ASIP: variants seen among roughly 807,000 people sequenced by gnomAD.
The protein encoded by ASIP is agouti-signaling protein.
Under a neutral mutation model 10.3 loss-of-function variants are expected in ASIP, and 11 were observed. The ratio of observed to expected loss-of-function variants is 1.07; its 90% CI spans 0.68 to 1.78. ASIP has a LOEUF of 1.78. Among genes scored for constraint, ASIP ranks in the 40% most tolerant of loss-of-function variants. ASIP has a pLI of 0.00. For missense variants in ASIP, 180 were observed against 169.2 expected, an observed-to-expected ratio of 1.06 and a Z score of -0.35; for synonymous variants, 70 against 70.8, an observed-to-expected ratio of 0.99 and a Z score of 0.06.
intron 1 of ASIP, among the ~76,000 whole-genome samples, chr20:34,235,825 GAAAGAAAGAAAGAAA>G (rs1568755828): frequency 4.0e-4 from 25 of 62,150 alleles, no homozygotes; most frequent in Admixed American, 3.8e-4. Context: ...AAGAAAGAAA[GAAAGAAAGAAAGAAA>G]GAAGGAAGGA....
intron 3 of ASIP, among the ~76,000 whole-genome samples, chr20:34,267,042 G>T (rs1186631465): frequency 6.6e-6 from 1 of 152,150 alleles, no homozygotes; most frequent in Non-Finnish European, 1.5e-5. Flanking sequence ...GGCCTATTTT[G>T]TTGGCTGTAA....
intron 1 of ASIP, among the ~76,000 whole-genome samples, chr20:34,242,843 G>A (rs1413138573): frequency 6.6e-6 from 1 of 152,216 alleles, no homozygotes; most frequent in Non-Finnish European, 1.5e-5. Context: ...TGCTTAATGA[G>A]TGCTTGTGCA....
chr20:34,227,953 A>T (rs940890431), intron 1 of ASIP, among the ~76,000 whole-genome samples: 1 of 152,254 alleles, frequency 6.6e-6, no homozygotes, highest in Non-Finnish European at 1.5e-5. Flanking sequence ...GAATAGACTC[A>T]CACATGTATG....
intron 1 of ASIP, among the ~76,000 whole-genome samples, chr20:34,242,215 A>T (rs1392855681): frequency 1.3e-5 from 2 of 151,090 alleles, no homozygotes; most frequent in African/African-American, 2.4e-5. Context: ...TTATTTTATT[A>T]TTTTTATTTT....
chr20:34,264,297 A>C (rs1437365490), intron 3 of ASIP, among the ~76,000 whole-genome samples: 2 of 152,232 alleles, frequency 1.3e-5, no homozygotes, highest in Admixed American at 1.3e-4. Context: ...AATTGTGAAG[A>C]TACCTCCTGT....
intron 1 of ASIP, among the ~76,000 whole-genome samples, chr20:34,247,812 G>A (rs2035405538): frequency 6.6e-6 from 1 of 152,032 alleles, no homozygotes; most frequent in African/African-American, 2.4e-5. Flanking sequence ...GCCCAGGCTG[G>A]TCTCAAACTC....
upstream of ASIP, among the ~76,000 whole-genome samples, chr20:34,237,613 C>T (rs941675463): frequency 6.6e-6 from 1 of 152,152 alleles, no homozygotes; most frequent in African/African-American, 2.4e-5. Flanking sequence ...TCATTTTACT[C>T]CTTCCTTTTT....
chr20:34,196,122 G>T (rs2034854310), intron 1 of ASIP, among the ~76,000 whole-genome samples: 1 of 150,924 alleles, frequency 6.6e-6, no homozygotes, highest in Admixed American at 6.6e-5. Context: ...CAAGAGTTGG[G>T]CAAAAGAGAT....
At chr20:34,218,696 T>C (rs1355196542) in intron 1 of ASIP, among the ~76,000 whole-genome samples, 1 of 152,056 alleles carries the variant, frequency 6.6e-6, no homozygotes, top group Non-Finnish European at 1.5e-5. Flanking sequence ...ATTTTTTTTT[T>C]TTTGAGACCA....
intron 1 of ASIP, among the ~76,000 whole-genome samples, chr20:34,257,544 A>ATAT (rs895224681): frequency 6.6e-6 from 1 of 152,140 alleles, no homozygotes; most frequent in African/African-American, 2.4e-5. Context: ...TTTTAAATAT[A>ATAT]TATTTAATTT....
At chr20:34,261,850 C>T (rs1484035741) in intron 2 of ASIP, among the ~76,000 whole-genome samples, 1 of 152,108 alleles carries the variant, frequency 6.6e-6, no homozygotes, top group Non-Finnish European at 1.5e-5. Flanking sequence ...CGGTGGCTCA[C>T]ACCTCTAATC....
upstream of ASIP, among the ~76,000 whole-genome samples, chr20:34,239,177 C>T (rs1320684003): frequency 2.0e-5 from 3 of 152,274 alleles, no homozygotes; most frequent in East Asian, 5.8e-4. Flanking sequence ...CATCTCACCA[C>T]CTAATATCCA....
intron 2 of ASIP, among the ~76,000 whole-genome samples, chr20:34,261,842 G>A (rs2035698713): frequency 6.6e-6 from 1 of 152,094 alleles, no homozygotes; most frequent in Non-Finnish European, 1.5e-5. Flanking sequence ...GCCAGGCGCG[G>A]TGGCTCACAC....
intron 1 of ASIP, among the ~76,000 whole-genome samples, chr20:34,222,686 G>A (rs1457213010): frequency 1.3e-5 from 2 of 152,142 alleles, no homozygotes; most frequent in Non-Finnish European, 1.5e-5. Flanking sequence ...CCTCTCATGC[G>A]GAGCTGAAGC....
upstream of ASIP, among the ~76,000 whole-genome samples, chr20:34,190,933 T>C (rs1432456040): frequency 6.6e-6 from 1 of 152,138 alleles, no homozygotes; most frequent in Non-Finnish European, 1.5e-5. Flanking sequence ...CAGGCTCCTA[T>C]TGAATTGGTA....
rs534350361 is a variant in ASIP, at chr20:34,220,735, C to CT, written c.-11+25977dup. On this transcript the variant is annotated intron_variant, in intron 1 of 3. Transcript: ENST00000568305. ...AGGCAGAATGAATTCATTTGACATGCTTAGCACGGAACACTGACAATATAC... is the reference window on the plus strand; with the variant it reads ...AGGCAGAATGAATTCATTTGACATGCTTTAGCACGGAACACTGACAATATAC... Among the ~76,000 whole-genome samples, 40 of 152,214 alleles carry CT rather than the reference C, an allele frequency of 2.6e-4. No individual in the cohort carries two copies. The South Asian group carries it at 8.1e-3, about 31-fold the overall frequency.
At chr20:34,239,562 A>G (rs969731276), upstream of ASIP, among the ~76,000 whole-genome samples, 1 of 152,258 alleles carries the variant, frequency 6.6e-6, no homozygotes, top group Admixed American at 6.5e-5. Flanking sequence ...GGAATGCTTC[A>G]GAGTTTTCAA....
At chr20:34,247,357 A>G (rs887370174) in intron 1 of ASIP, among the ~76,000 whole-genome samples, 16 of 148,922 alleles carry the variant, frequency 1.1e-4, no homozygotes, top group Non-Finnish European at 5.9e-5. Flanking sequence ...CTGGAGTGCA[A>G]TGGTGTGATC....
At chr20:34,196,086 G>C (rs4465847) in intron 1 of ASIP, among the ~76,000 whole-genome samples, 15,105 of 151,590 alleles carry the variant, frequency 0.1, 2,488 homozygotes, top group African/African-American at 0.34. Context: ...TGCCATTACA[G>C]TCCGGCACGG....
Sources: allele counts gnomAD v4.1 joint callset (sites outside exome capture counted in the v4.1 genomes callset), GRCh38; gene constraint gnomAD v4.1.1; transcripts MANE v1.5; gene names NCBI Gene and HGNC (gene_info 2026-07-23, HGNC 2026-07-21).